GALNT2: variants seen among roughly 807,000 people sequenced by gnomAD.
GALNT2 encodes the protein polypeptide N-acetylgalactosaminyltransferase 2, also known as UDP-GalNAc:polypeptide N-acetylgalactosaminyltransferase 2.
Under a neutral mutation model 81.4 loss-of-function variants are expected in GALNT2, and 31 were observed. The ratio of observed to expected loss-of-function variants is 0.38; its 90% CI spans 0.29 to 0.51. GALNT2 has a LOEUF of 0.51. Among genes scored for constraint, GALNT2 ranks in the 20% least tolerant of loss-of-function variants. The pLI is 0.87. For missense variants in GALNT2, 629 were observed against 765.7 expected, an observed-to-expected ratio of 0.82 and a Z score of 2.11; for synonymous variants, 303 against 287.4, an observed-to-expected ratio of 1.05 and a Z score of -0.55.
At chr1:230,176,141 G>A (rs1309950933) in intron 1 of GALNT2, among the ~76,000 whole-genome samples, 16 of 152,144 alleles carry the variant, frequency 1.1e-4, no homozygotes, top group African/African-American at 2.2e-4. Context: ...AGTAGGCATC[G>A]TTGATTGGAA....
intron 1 of GALNT2, among the ~76,000 whole-genome samples, chr1:230,120,070 TC>T (rs1660966729): frequency 7.0e-6 from 1 of 143,498 alleles, no homozygotes; most frequent in Non-Finnish European, 1.5e-5. Flanking sequence ...GCTTTCCTGT[TC>T]CTCCCCTGTG....
chr1:230,169,444 G>A (rs1005667053), intron 1 of GALNT2, among the ~76,000 whole-genome samples: 9 of 152,218 alleles, frequency 5.9e-5, no homozygotes, highest in Non-Finnish European at 1.2e-4. Context: ...ACTATTCCTA[G>A]TTGCATTTTC....
In GALNT2 at chr1:230,271,917, G is replaced by A. The variant is rs1272466819; in HGVS notation, c.1441-2528G>A. On this transcript the variant is annotated intron_variant, in intron 14 of 15. Transcript: ENST00000366672. The surrounding 1 kb of genome is among the most constrained non-coding windows in gnomAD (Gnocchi z 4.2). ...GGTGGCGGGGGACTGACGGTTTCAA[G>A]CTTCTCAGCATAACCTGGTCTTTCT... 6.6e-6 allele frequency among the ~76,000 whole-genome samples: 1 copy of A among 152,190 alleles called. No homozygotes were observed. Among genetic ancestry groups the A allele is most frequent in the African/African-American group, 2.4e-5 (1 of 41,460 alleles).
intron 4 of GALNT2, 52 bp downstream of exon 4, chr1:230,236,164 T>C (rs553934476): frequency 6.4e-7 from 1 of 1,565,472 alleles, no homozygotes; most frequent in South Asian, 1.1e-5. Context: ...ATTAGCTGTG[T>C]CCCAGGCACA....
intron 1 of GALNT2, among the ~76,000 whole-genome samples, chr1:230,158,219 G>A (rs970056453): frequency 1.3e-5 from 2 of 152,100 alleles, no homozygotes; most frequent in East Asian, 1.9e-4. Flanking sequence ...GGGGCATTTC[G>A]TGTTGTGTGA....
chr1:230,191,030 C>T (rs1663507309), intron 2 of GALNT2, among the ~76,000 whole-genome samples: 2 of 152,306 alleles, frequency 1.3e-5, no homozygotes, highest in South Asian at 2.1e-4. Context: ...TTTTCTTACT[C>T]TAGCCAACAT....
chr1:230,157,008 TAAC>T (rs1321080260), intron 1 of GALNT2, among the ~76,000 whole-genome samples: 1 of 152,114 alleles, frequency 6.6e-6, no homozygotes, highest in Non-Finnish European at 1.5e-5. Flanking sequence ...ACGAAAGAGG[TAAC>T]ATTGAGTCAG....
At chr1:230,127,244 C>A (rs1043268346) in intron 1 of GALNT2, among the ~76,000 whole-genome samples, 1 of 152,110 alleles carries the variant, frequency 6.6e-6, no homozygotes, top group Non-Finnish European at 1.5e-5. Context: ...ACACCTCCCC[C>A]TTCTTCTCTG....
intron 1 of GALNT2, among the ~76,000 whole-genome samples, chr1:230,131,094 A>G (rs918922132): frequency 6.6e-6 from 1 of 152,228 alleles, no homozygotes; most frequent in Non-Finnish European, 1.5e-5. Flanking sequence ...AGCTTAAAAC[A>G]GTATCTAAAA....
At chr1:230,137,588 C>A (rs1232126381) in intron 1 of GALNT2, among the ~76,000 whole-genome samples, 1 of 152,260 alleles carries the variant, frequency 6.6e-6, no homozygotes, top group African/African-American at 2.4e-5. Flanking sequence ...GCAGAAGTTT[C>A]ATTGCTTTTT....
intron 1 of GALNT2, among the ~76,000 whole-genome samples, chr1:230,145,204 A>G (rs1661877314): frequency 6.6e-6 from 1 of 151,876 alleles, no homozygotes; most frequent in African/African-American, 2.4e-5. Context: ...CCCCATTCTC[A>G]GATCGCCCCC....
intron 1 of GALNT2, among the ~76,000 whole-genome samples, chr1:230,151,703 G>T (rs950974823): frequency 6.6e-6 from 1 of 152,178 alleles, no homozygotes; most frequent in Non-Finnish European, 1.5e-5. Flanking sequence ...AAGGGGTCCC[G>T]ATCCAGACCC....
At chr1:230,249,123 G>A in intron 8 of GALNT2, 61 bp from the exon 9 acceptor site, 17 of 1,418,244 alleles carry the variant, frequency 1.2e-5, no homozygotes, top group Admixed American at 3.4e-5. Flanking sequence ...TGAGGAATGG[G>A]GGTGTCGGGA....
intron 1 of GALNT2, among the ~76,000 whole-genome samples, chr1:230,128,371 C>T (rs116251284): frequency 0.016 from 2,386 of 148,740 alleles, 51 homozygotes; most frequent in African/African-American, 0.054. Flanking sequence ...GCCCTGAAGC[C>T]GTCAGCCACT....
At chr1:230,096,502 C>T (rs749283269) in intron 1 of GALNT2, among the ~76,000 whole-genome samples, 3 of 152,166 alleles carry the variant, frequency 2.0e-5, no homozygotes, top group Admixed American at 6.5e-5. Flanking sequence ...CCTTTCCCCT[C>T]TCTCCCTTCT....
intron 1 of GALNT2, among the ~76,000 whole-genome samples, chr1:230,102,087 G>C (rs1660419315): frequency 6.6e-6 from 1 of 152,218 alleles, no homozygotes; most frequent in Non-Finnish European, 1.5e-5. Context: ...ATCTATCAGA[G>C]AAGCTAATTT....
Position 230,275,156 on chromosome 1 carries a change from A to G in GALNT2, c.1560+592A>G, listed in dbSNP as rs935624093. On this transcript the variant is annotated intron_variant, in intron 15 of 15. Coordinates refer to ENST00000366672, the MANE Select transcript of GALNT2 (RefSeq NM_004481.5). This position sits in a 1 kb window ranked among gnomAD's most constrained non-coding sequence, Gnocchi z 5.5. ...CACCACATATACATATATACACACCACATATACATATACCTGCCACATATA... is the reference window on the plus strand; with the variant it reads ...CACCACATATACATATATACACACCGCATATACATATACCTGCCACATATA... Among the ~76,000 whole-genome samples, 3 of 151,564 alleles carry G rather than the reference A, an allele frequency of 2.0e-5. No individual in the cohort carries two copies. Among genetic ancestry groups the G allele is most frequent in the Non-Finnish European group, 2.9e-5 (2 of 67,824 alleles).
In GALNT2 at chr1:230,261,534, A is replaced by G. The variant is rs182825293; in HGVS notation, c.1137-1039A>G. Among the ~76,000 whole-genome samples the G allele has an allele frequency of 3.3e-3, 497 of 152,374 alleles. 3 individuals carry two copies. Among genetic ancestry groups the G allele is most frequent in the Non-Finnish European group, 5.4e-3 (370 of 68,040 alleles). On this transcript the variant is annotated intron_variant, in intron 11 of 15. Transcript: ENST00000366672. ...ACCAGAATATGGGAGCAAAGAGGTT[A>G]GCTGTGTGCTTGCTACTTCATGGAT...
chr1:230,063,054 T>C (rs1437724508), upstream of GALNT2, among the ~76,000 whole-genome samples: 4 of 152,198 alleles, frequency 2.6e-5, no homozygotes, highest in African/African-American at 9.7e-5. Flanking sequence ...GGCTCACACC[T>C]GTAATCCCAG....
Sources: gnomAD v4.1 joint callset for allele counts (sites outside exome capture counted in the v4.1 genomes callset) on GRCh38, gnomAD v4.1.1 for gene constraint, Gnocchi (gnomAD v3.1) non-coding constraint, MANE v1.5 for transcripts, NCBI Gene and HGNC (gene_info 2026-07-23, HGNC 2026-07-21) for gene names.